RAB3B: variants seen among roughly 807,000 people sequenced by gnomAD.
The protein encoded by RAB3B is ras-related protein Rab-3B.
In RAB3B, 11 loss-of-function variants were observed where a neutral mutation model predicts 20.5. That is an observed-to-expected ratio of 0.54 (90% CI 0.34 to 0.89). The LOEUF is 0.89. Among genes scored for constraint, RAB3B ranks in the 40% least tolerant of loss-of-function variants. The pLI is 0.02. For missense variants in RAB3B, 225 were observed against 280.9 expected, an observed-to-expected ratio of 0.80 and a Z score of 1.42; for synonymous variants, 99 against 106.3, an observed-to-expected ratio of 0.93 and a Z score of 0.42.
In RAB3B at chr1:51,933,462, G is replaced by T. The variant is rs1196411896; in HGVS notation, c.348-20C>A. ...GTAGCCCTAAAATGAGATAGAAAGAGATATGTTAATCATATTCCTATAGAC... is the reference window on the plus strand; with the variant it reads ...GTAGCCCTAAAATGAGATAGAAAGATATATGTTAATCATATTCCTATAGAC... On this transcript the variant is annotated intron_variant, in intron 3 of 4. Transcript: ENST00000371655. 2.7e-5 allele frequency: 43 copies of T among 1,603,452 alleles called. No homozygotes were observed. The highest frequency in any genetic ancestry group is 3.5e-5 in the Non-Finnish European group (41 of 1,172,204).
rs1240005021 is a variant in RAB3B, at chr1:51,983,177, A to T, written c.1-6060T>A. On this transcript the variant is annotated intron_variant, in intron 1 of 4. Transcript: ENST00000371655. ...GAGACCAGCCTGGCCAACATGATGAAACTCCATCCCTATTAAAATACAAAA... is the reference window on the plus strand; with the variant it reads ...GAGACCAGCCTGGCCAACATGATGATACTCCATCCCTATTAAAATACAAAA... Among the ~76,000 whole-genome samples the T allele has an allele frequency of 3.3e-5, 5 of 152,026 alleles. No individual in the cohort carries two copies. In the East Asian group the frequency reaches 9.6e-4, roughly 29 times the overall value.
At chr1:51,936,407 C>G (rs775763962) in intron 3 of RAB3B, among the ~76,000 whole-genome samples, 2 of 152,154 alleles carry the variant, frequency 1.3e-5, no homozygotes, top group African/African-American at 2.4e-5. Flanking sequence ...CCTGGCTCAG[C>G]CCAGGGATAA....
At chr1:51,982,808 T>A (rs192349847) in intron 1 of RAB3B, among the ~76,000 whole-genome samples, 7 of 152,086 alleles carry the variant, frequency 4.6e-5, no homozygotes, top group Non-Finnish European at 8.8e-5. Flanking sequence ...GTTTTAAAAA[T>A]TTTTTAAGTT....
chr1:51,967,114 A>G lies in RAB3B; in HGVS notation c.228+9776T>C, dbSNP rs1288004545. On this transcript the variant is annotated intron_variant, in intron 2 of 4. Coordinates refer to ENST00000371655, the MANE Select transcript of RAB3B (RefSeq NM_002867.4). ...GATCAACTGAGGTCAGGAGTTTGAAACCAGCCTGGCCAACGTGGTGAAAAC... is the reference window on the plus strand; with the variant it reads ...GATCAACTGAGGTCAGGAGTTTGAAGCCAGCCTGGCCAACGTGGTGAAAAC... 2.0e-5 allele frequency among the ~76,000 whole-genome samples: 3 copies of G among 152,212 alleles called. No homozygotes were observed. In the East Asian group the frequency reaches 5.8e-4, roughly 29 times the overall value.
chr1:51,927,525 C>T (rs1216385175), intron 4 of RAB3B, among the ~76,000 whole-genome samples: 2 of 152,214 alleles, frequency 1.3e-5, no homozygotes, highest in Non-Finnish European at 2.9e-5. Flanking sequence ...CCTGTAATCC[C>T]AGCACTTTGG....
rs192562572 is a variant in RAB3B, at chr1:51,988,060, T to A, written c.-1+2492A>T. ...GCTTGACCCACCATGGTATTTTTTT[T>A]AATCAGTGTTTGGTTGAAAAAAAAA... On this transcript the variant is annotated intron_variant, in intron 1 of 4. Transcript: ENST00000371655. 3.0e-4 allele frequency among the ~76,000 whole-genome samples: 46 copies of A among 151,784 alleles called. No homozygotes were observed. In the East Asian group the frequency reaches 4.4e-3, roughly 15 times the overall value.
chr1:51,956,571 C>T (rs1684709305), intron 2 of RAB3B, among the ~76,000 whole-genome samples: 1 of 152,208 alleles, frequency 6.6e-6, no homozygotes, highest in Non-Finnish European at 1.5e-5. Context: ...TTCTGACCAA[C>T]CTGGACAACT....
chr1:51,953,982 C>T (rs766120449), intron 2 of RAB3B, among the ~76,000 whole-genome samples: 3 of 152,070 alleles, frequency 2.0e-5, no homozygotes, highest in African/African-American at 4.8e-5. Context: ...ATTTCACTAC[C>T]GAGAATCTGT....
chr1:51,972,397 G>C (rs565416743), intron 2 of RAB3B, among the ~76,000 whole-genome samples: 1 of 151,720 alleles, frequency 6.6e-6, no homozygotes, highest in Non-Finnish European at 1.5e-5. Flanking sequence ...TAGCGTTATG[G>C]ACTGAATGTC....
At chr1:51,953,083 C>A (rs995831278) in intron 2 of RAB3B, among the ~76,000 whole-genome samples, 9 of 152,202 alleles carry the variant, frequency 5.9e-5, no homozygotes, top group Non-Finnish European at 1.2e-4. Context: ...GTACCCCACA[C>A]GCATCTGGGC....
At chr1:51,943,105 C>T (rs4615790) in intron 2 of RAB3B, among the ~76,000 whole-genome samples, 127,766 of 151,926 alleles carry the variant, frequency 0.84, 54,584 homozygotes, top group East Asian at 1. Flanking sequence ...TACAATGGGC[C>T]CAGCGTGGTG....
chr1:51,925,740 T>C (rs1684235223), intron 4 of RAB3B, among the ~76,000 whole-genome samples: 1 of 152,242 alleles, frequency 6.6e-6, no homozygotes, highest in African/African-American at 2.4e-5. Flanking sequence ...CTCTCCCCTG[T>C]ACTCTCATGG....
At chr1:51,920,676 G>A (rs1684160442) in intron 4 of RAB3B, among the ~76,000 whole-genome samples, 1 of 152,120 alleles carries the variant, frequency 6.6e-6, no homozygotes, top group African/African-American at 2.4e-5. Flanking sequence ...AAGCTAGCTT[G>A]CCCAAGATAA....
rs1038815565 is a variant in RAB3B, at chr1:51,919,449, T to A, written c.*478A>T. The A allele has an allele frequency of 2.0e-5, 3 of 152,952 alleles. No individual in the cohort carries two copies. The highest frequency in any genetic ancestry group is 2.9e-5 in the Non-Finnish European group (2 of 68,568). The allele number at this position is 152,952 out of a possible 1,614,324, so 9.5% of individuals were successfully genotyped here. ...GGGCTTTGAGAGCCCAAGCTTGACTTGTAGTGAGAGAAAGCCCCGCAGGGA... is the reference window on the plus strand; with the variant it reads ...GGGCTTTGAGAGCCCAAGCTTGACTAGTAGTGAGAGAAAGCCCCGCAGGGA... On this transcript the variant is annotated 3_prime_UTR_variant, in exon 5 of 5. Transcript: ENST00000371655.
intron 2 of RAB3B, among the ~76,000 whole-genome samples, chr1:51,955,293 C>T (rs1266321462): frequency 2.6e-5 from 4 of 152,160 alleles, no homozygotes; most frequent in Admixed American, 6.6e-5. Flanking sequence ...ACACCATAGC[C>T]GATGTGAATG....
At chr1:51,943,468 C>T (rs931339113) in intron 2 of RAB3B, among the ~76,000 whole-genome samples, 4 of 152,160 alleles carry the variant, frequency 2.6e-5, no homozygotes, top group African/African-American at 9.7e-5. Flanking sequence ...ATGAGTTACA[C>T]ATCTCTTGCT....
At chr1:51,921,072 C>T (rs1323986709) in intron 4 of RAB3B, among the ~76,000 whole-genome samples, 1 of 152,196 alleles carries the variant, frequency 6.6e-6, no homozygotes, top group Non-Finnish European at 1.5e-5. Context: ...AGCAAAGGCC[C>T]TCCTGATTCC....
intron 1 of RAB3B, chr1:51,980,751 G>A (rs1324143119): frequency 4.0e-6 from 3 of 754,904 alleles, no homozygotes; most frequent in Non-Finnish European, 7.3e-6. Context: ...AAGCCCGCAA[G>A]GACCAAACAC....
rs543915396 is a variant in RAB3B, at chr1:51,958,936, C to T, written c.228+17954G>A. ...GAGGTATACAGCCTTAGCTTGAGCA[C>T]TCACTTTCATTTTGCCAGTCTTTGT... On this transcript the variant is annotated intron_variant, in intron 2 of 4. Coordinates refer to ENST00000371655, the MANE Select transcript of RAB3B (RefSeq NM_002867.4). Among the ~76,000 whole-genome samples, 35 of 152,308 alleles carry T rather than the reference C, an allele frequency of 2.3e-4. No homozygotes were observed. In the East Asian group the frequency reaches 4.1e-3, roughly 18 times the overall value.
Sources: allele counts gnomAD v4.1 joint callset (sites outside exome capture counted in the v4.1 genomes callset), GRCh38; gene constraint gnomAD v4.1.1; transcripts MANE v1.5; gene names NCBI Gene and HGNC (gene_info 2026-07-23, HGNC 2026-07-21).